GRM5: variants seen among roughly 807,000 people sequenced by gnomAD.
GRM5 encodes the protein glutamate metabotropic receptor 5, also known as metabotropic glutamate receptor 5.
In GRM5, 19 loss-of-function variants were observed where a neutral mutation model predicts 83.1. The ratio of observed to expected loss-of-function variants is 0.23; its 90% confidence interval spans 0.16 to 0.34. GRM5 has a LOEUF of 0.34. Ranked by LOEUF, GRM5 falls within the 10% of genes least tolerant of loss-of-function variation. The pLI is 1.00. For missense variants in GRM5, 1,160 were observed against 1,588.3 expected, an observed-to-expected ratio of 0.73 and a Z score of 4.58; for synonymous variants, 675 against 633.6, an observed-to-expected ratio of 1.07 and a Z score of -0.98.
chr11:88,635,801 A>G (rs1411811921), intron 4 of GRM5, among the ~76,000 whole-genome samples: 6 of 152,096 alleles, frequency 3.9e-5, no homozygotes, highest in African/African-American at 1.4e-4. Context: ...TTCTTCCAGT[A>G]GTTTTATGTT....
At chr11:88,873,824 T>G (rs1944807762) in intron 2 of GRM5, among the ~76,000 whole-genome samples, 1 of 151,368 alleles carries the variant, frequency 6.6e-6, no homozygotes, top group Non-Finnish European at 1.5e-5. Flanking sequence ...GAGAACAAAA[T>G]AAACCCCAAA....
rs182522482 is a variant in GRM5, at chr11:88,890,412, T to G, written c.662-40257A>C. Among the ~76,000 whole-genome samples, 7 of 152,242 alleles carry G rather than the reference T, an allele frequency of 4.6e-5. No individual in the cohort carries two copies. In the East Asian group the frequency reaches 1.4e-3, roughly 29 times the overall value. ...GAAGCCAGTAATCCAATTAAGAAAC[T>G]GACAAATGAAAACTCTTACAAGTGC... On this transcript the variant is annotated intron_variant, in intron 2 of 9. Transcript: ENST00000305447.
chr11:88,582,575 T>C (rs1329494427), intron 7 of GRM5, among the ~76,000 whole-genome samples: 3 of 152,218 alleles, frequency 2.0e-5, no homozygotes, highest in African/African-American at 7.2e-5. Flanking sequence ...TATTCCAGTT[T>C]CAATATTAAC....
chr11:88,617,844 G>T (rs1280317523), intron 4 of GRM5, among the ~76,000 whole-genome samples: 3 of 152,194 alleles, frequency 2.0e-5, no homozygotes, highest in African/African-American at 7.2e-5. Context: ...TAAAGTCTCA[G>T]ATTTCTAGCC....
chr11:88,694,545 A>G (rs1324572093), intron 3 of GRM5, among the ~76,000 whole-genome samples: 1 of 109,168 alleles, frequency 9.2e-6, no homozygotes, highest in East Asian at 2.9e-4. Flanking sequence ...CATCCTTCTT[A>G]GAGAACTATT....
chr11:88,955,228 G>T (rs994857001), intron 2 of GRM5, among the ~76,000 whole-genome samples: 29 of 152,294 alleles, frequency 1.9e-4, no homozygotes, highest in African/African-American at 7.0e-4. Flanking sequence ...AGAATAAAAA[G>T]AGCTGGGACA....
At chr11:88,904,888 C>G (rs947817674) in intron 2 of GRM5, among the ~76,000 whole-genome samples, 1 of 152,116 alleles carries the variant, frequency 6.6e-6, no homozygotes, top group African/African-American at 2.4e-5. Context: ...GAAAGGAGAA[C>G]TATCAGGCTG....
chr11:88,819,181 G>C (rs1009242475), intron 3 of GRM5, among the ~76,000 whole-genome samples: 2 of 152,158 alleles, frequency 1.3e-5, no homozygotes, highest in South Asian at 4.1e-4. Context: ...AAATAAATAG[G>C]TTTGAGGCTT....
chr11:88,753,440 C>T (rs767012405), intron 3 of GRM5, among the ~76,000 whole-genome samples: 2 of 151,904 alleles, frequency 1.3e-5, no homozygotes, highest in Non-Finnish European at 2.9e-5. Context: ...ATTAAAAAGT[C>T]AAAAAATAAC....
At chr11:88,788,021 G>A (rs531749056) in intron 3 of GRM5, among the ~76,000 whole-genome samples, 137 of 152,092 alleles carry the variant, frequency 9.0e-4, no homozygotes, top group Non-Finnish European at 1.7e-3. Context: ...TAGGTCAGCA[G>A]TTGGCAAAAT....
intron 3 of GRM5, among the ~76,000 whole-genome samples, chr11:88,799,696 G>A (rs979611664): frequency 3.9e-5 from 6 of 152,136 alleles, no homozygotes; most frequent in Admixed American, 1.3e-4. Flanking sequence ...CCCCAGTCTC[G>A]AGTTTCCCTA....
intron 2 of GRM5, among the ~76,000 whole-genome samples, chr11:89,012,419 G>C (rs1204412003): frequency 2.0e-5 from 3 of 152,132 alleles, no homozygotes; most frequent in African/African-American, 7.2e-5. Context: ...TCAAGCTCCC[G>C]TGAGCAGAGT....
intron 4 of GRM5, among the ~76,000 whole-genome samples, chr11:88,640,355 C>CAGA (rs1305444862): frequency 1.3e-5 from 2 of 152,118 alleles, no homozygotes; most frequent in African/African-American, 4.8e-5. Context: ...AATGTGAGTT[C>CAGA]AGAGTTCTGA....
intron 3 of GRM5, among the ~76,000 whole-genome samples, chr11:88,834,046 T>C (rs528448801): frequency 6.6e-6 from 1 of 152,324 alleles, no homozygotes; most frequent in Admixed American, 6.5e-5. Context: ...ATTCTAATGT[T>C]TGTTAGCTGA....
chr11:88,832,628 A>G (rs1160134799), intron 3 of GRM5, among the ~76,000 whole-genome samples: 2 of 152,148 alleles, frequency 1.3e-5, no homozygotes, highest in African/African-American at 4.8e-5. Flanking sequence ...TAAAATTTAT[A>G]TGGAATCAAA....
At chr11:88,787,345 A>G (rs1211800271) in intron 3 of GRM5, among the ~76,000 whole-genome samples, 4 of 152,082 alleles carry the variant, frequency 2.6e-5, no homozygotes, top group Non-Finnish European at 5.9e-5. Flanking sequence ...AAATTTTTTT[A>G]TATCACAAAA....
chr11:89,043,422 C>T (rs115824138), intron 2 of GRM5, among the ~76,000 whole-genome samples: 4,595 of 152,074 alleles, frequency 0.03, 222 homozygotes, highest in African/African-American at 0.1. Flanking sequence ...TATATTCAAG[C>T]GCTTAACTAT....
At chr11:89,025,978 T>C (rs1309165437) in intron 2 of GRM5, among the ~76,000 whole-genome samples, 1 of 152,208 alleles carries the variant, frequency 6.6e-6, no homozygotes, top group Non-Finnish European at 1.5e-5. Flanking sequence ...GCGGTACATA[T>C]ACGCAGTGAA....
At chr11:88,941,722 T>C (rs1468361480) in intron 2 of GRM5, among the ~76,000 whole-genome samples, 1 of 152,050 alleles carries the variant, frequency 6.6e-6, no homozygotes, top group East Asian at 1.9e-4. Context: ...TTTACAAAGT[T>C]TAAAAATTCC....
Sources: gnomAD v4.1 joint callset for allele counts (sites outside exome capture counted in the v4.1 genomes callset) on GRCh38, gnomAD v4.1.1 for gene constraint, MANE v1.5 for transcripts, NCBI Gene and HGNC (gene_info 2026-07-23, HGNC 2026-07-21) for gene names.